INPP5D: variants seen among roughly 807,000 people sequenced by gnomAD.
INPP5D encodes the protein phosphatidylinositol 3,4,5-trisphosphate 5-phosphatase 1.
A neutral mutation model predicts 122.9 loss-of-function variants in INPP5D; 33 were observed. That is an observed-to-expected ratio of 0.27 (90% CI 0.20 to 0.36). INPP5D has a LOEUF of 0.36. Among genes scored for constraint, INPP5D ranks in the 10% least tolerant of loss-of-function variants. The pLI is 1.00. For missense variants in INPP5D, 1,053 were observed against 1,412.7 expected, an observed-to-expected ratio of 0.75 and a Z score of 4.08; for synonymous variants, 584 against 576.2, an observed-to-expected ratio of 1.01 and a Z score of -0.19.
At chr2:233,166,125 C>T (rs974998621) in intron 13 of INPP5D, among the ~76,000 whole-genome samples, 4 of 152,278 alleles carry the variant, frequency 2.6e-5, no homozygotes, top group Non-Finnish European at 4.4e-5. Context: ...GTGGGGCTGG[C>T]GTGGCTATCC....
At chr2:233,203,936 G>T (rs998697020) in intron 25 of INPP5D, among the ~76,000 whole-genome samples, 190 bp from the exon 26 acceptor site, 1 of 152,148 alleles carries the variant, frequency 6.6e-6, no homozygotes, top group African/African-American at 2.4e-5. Flanking sequence ...GACAGAGCGA[G>T]ACTCTGTCTC....
At chr2:233,083,544 GT>G (rs1182547637) in intron 2 of INPP5D, among the ~76,000 whole-genome samples, 1 of 152,188 alleles carries the variant, frequency 6.6e-6, no homozygotes, top group African/African-American at 2.4e-5. Context: ...AGGCCTGACT[GT>G]CCCACACCAA....
At chr2:233,133,826 C>T (rs1693395845) in intron 5 of INPP5D, among the ~76,000 whole-genome samples, 1 of 152,042 alleles carries the variant, frequency 6.6e-6, no homozygotes, top group Non-Finnish European at 1.5e-5. Flanking sequence ...CTGTGGTTGT[C>T]CAAGTGAGAC....
At position 233,160,766 on chromosome 2, in the gene INPP5D, G is replaced by A. The variant is rs1028847456; in HGVS notation, c.1138-958G>A. On this transcript the variant is annotated intron_variant, in intron 10 of 26. Coordinates refer to ENST00000445964, the MANE Select transcript of INPP5D (RefSeq NM_001017915.3). The surrounding 1 kb of genome is among the most constrained non-coding windows in gnomAD (Gnocchi z 4.2). ...CTCCCACCTCAACCTCCTAAGTTGGGAGGGACTACAGGCATGCACCACCAT... is the reference window on the plus strand; with the variant it reads ...CTCCCACCTCAACCTCCTAAGTTGGAAGGGACTACAGGCATGCACCACCAT... Among the ~76,000 whole-genome samples, 1 of 151,916 alleles carries A rather than the reference G, an allele frequency of 6.6e-6. No individual in the cohort carries two copies. The highest frequency in any genetic ancestry group is 1.5e-5 in the Non-Finnish European group (1 of 67,962).
chr2:233,096,585 G>C (rs1057418775), intron 2 of INPP5D, among the ~76,000 whole-genome samples: 12 of 152,106 alleles, frequency 7.9e-5, no homozygotes, highest in African/African-American at 2.7e-4. Flanking sequence ...CTGGGAGGCG[G>C]AGGTTGCAGC....
At chr2:233,109,595 T>C (rs1692558711) in intron 2 of INPP5D, among the ~76,000 whole-genome samples, 1 of 152,218 alleles carries the variant, frequency 6.6e-6, no homozygotes, top group Admixed American at 6.5e-5. Flanking sequence ...TTTGTTGTTG[T>C]TGAGATGGAA....
chr2:233,122,011 C>A (rs1692996211), intron 2 of INPP5D, 96 bp from the exon 3 acceptor site: 1 of 1,427,130 alleles, frequency 7.0e-7, no homozygotes, highest in Non-Finnish European at 9.7e-7. Context: ...GCAGTCACTC[C>A]CTCCGCCTCG....
At chr2:233,145,312 T>C (rs578035643) in intron 6 of INPP5D, 15 of 456,192 alleles carry the variant, frequency 3.3e-5, no homozygotes, top group South Asian at 1.2e-4. Context: ...GGGCCCTGTA[T>C]GTACTGAACA....
intron 13 of INPP5D, among the ~76,000 whole-genome samples, chr2:233,166,627 G>A (rs1480732151): frequency 6.6e-6 from 1 of 152,084 alleles, no homozygotes; most frequent in Non-Finnish European, 1.5e-5. Flanking sequence ...TCTCTGCCCT[G>A]GGGCCAGCCT....
chr2:233,083,267 A>G (rs759266470), intron 2 of INPP5D, among the ~76,000 whole-genome samples: 10 of 152,214 alleles, frequency 6.6e-5, no homozygotes, highest in Non-Finnish European at 1.3e-4. Flanking sequence ...AGAGCATTCT[A>G]GGCAGTGCTG....
At chr2:233,103,517 A>C (rs1692375274) in intron 2 of INPP5D, among the ~76,000 whole-genome samples, 1 of 152,070 alleles carries the variant, frequency 6.6e-6, no homozygotes, top group Admixed American at 6.6e-5. Context: ...ACACAGGCAG[A>C]GAGATTGGAG....
At chr2:233,080,463 C>CAGAG (rs111601408) in intron 2 of INPP5D, among the ~76,000 whole-genome samples, 9,687 of 148,610 alleles carry the variant, frequency 0.065, 633 homozygotes, top group East Asian at 0.27. Context: ...GTGCACGTGA[C>CAGAG]AGAGAGAGAG....
At chr2:233,157,960 A>G (rs768602599) in intron 9 of INPP5D, among the ~76,000 whole-genome samples, 1 of 152,186 alleles carries the variant, frequency 6.6e-6, no homozygotes, top group African/African-American at 2.4e-5. Flanking sequence ...ACAAAGCAAA[A>G]GAAGGAAAGG....
At chr2:233,085,507 G>T (rs1691807697) in intron 2 of INPP5D, among the ~76,000 whole-genome samples, 2 of 152,070 alleles carry the variant, frequency 1.3e-5, no homozygotes, top group Non-Finnish European at 2.9e-5. Flanking sequence ...TGAAGCCGGT[G>T]GGAATTCTTT....
In INPP5D at chr2:233,204,687, A is replaced by G. The variant is rs1167462684; in HGVS notation, c.3537A>G (p.Pro1179=). Residue 1179 remains proline, a synonymous_variant, in exon 26 of 27, where the codon CCA becomes CCG. Coordinates refer to ENST00000445964, the MANE Select transcript of INPP5D (RefSeq NM_001017915.3). ...GCAAGCACCGGCCGGAGGAGGGGCC[A>G]CCAGGGCCTCTAGGCAGGACTGCCA... ...HHGKHRPEEG[P]PGPLGRTAMQ is the part of the protein sequence containing the mutation. 13 of 1,558,792 alleles carry G rather than the reference A, an allele frequency of 8.3e-6. No individual in the cohort carries two copies. The highest frequency in any genetic ancestry group is 1.0e-5 in the Non-Finnish European group (12 of 1,154,716).
intron 3 of INPP5D, among the ~76,000 whole-genome samples, 185 bp downstream of exon 3, chr2:233,122,442 C>T (rs912213605): frequency 2.6e-5 from 4 of 152,212 alleles, no homozygotes; most frequent in African/African-American, 9.6e-5. Flanking sequence ...TCCTCCCCAG[C>T]TTATTAGCCA....
chr2:233,164,527 G>A lies in INPP5D; in HGVS notation c.1555+103G>A. 1.4e-6 allele frequency: 2 copies of A among 1,394,004 alleles called. No individual in the cohort carries two copies. Among genetic ancestry groups the A allele is most frequent in the Non-Finnish European group, 1.9e-6 (2 of 1,059,460 alleles). 86.4% of individuals were successfully genotyped at this position (1,394,004 alleles called of 1,614,324 possible). The stretch of plus-strand genomic sequence containing the variant: ...AGTAGTTCCCCGGGTTAAAAACAGA[G>A]AGCCTCACATCCTCAGATCCTGGCT... On this transcript the variant is annotated intron_variant, in intron 13 of 26. Coordinates refer to ENST00000445964, the MANE Select transcript of INPP5D (RefSeq NM_001017915.3). The surrounding 1 kb of genome is among the most constrained non-coding windows in gnomAD (Gnocchi z 4.3).
intron 2 of INPP5D, among the ~76,000 whole-genome samples, chr2:233,102,883 G>C (rs1208393280): frequency 6.7e-6 from 1 of 149,736 alleles, no homozygotes. Flanking sequence ...AAACCACAGC[G>C]CCTTCTCACT....
In INPP5D at chr2:233,147,782, T is replaced by A. The variant is rs540396102; in HGVS notation, c.1030+188T>A. On this transcript the variant is annotated intron_variant, in intron 9 of 26. Transcript: ENST00000445964. The stretch of plus-strand genomic sequence containing the variant: ...CCAAGACCCAGTGTGATCCATGCTA[T>A]CACCTCTCAGTGCCGGGCACAAAGC... Among the ~76,000 whole-genome samples, 8 of 152,322 alleles carry A rather than the reference T, an allele frequency of 5.3e-5. No individual in the cohort carries two copies. In the South Asian group the frequency reaches 1.0e-3, roughly 20 times the overall value.
Sources: gnomAD v4.1 joint callset for allele counts (sites outside exome capture counted in the v4.1 genomes callset) on GRCh38, gnomAD v4.1.1 for gene constraint, Gnocchi (gnomAD v3.1) non-coding constraint, MANE v1.5 for transcripts, NCBI Gene and HGNC (gene_info 2026-07-23, HGNC 2026-07-21) for gene names.